The following NRXN1 variants were observed in gnomAD, a reference collection of about 807,000 sequenced individuals.
NRXN1 encodes the protein neurexin-1.
A neutral mutation model predicts 150.9 loss-of-function variants in NRXN1; 39 were observed. That is an observed-to-expected ratio of 0.26 (90% confidence interval 0.20 to 0.34). NRXN1 has a LOEUF of 0.34. Among genes scored for constraint, NRXN1 ranks in the 10% least tolerant of loss-of-function variants. NRXN1 has a pLI of 1.00. For synonymous variants in NRXN1, 924 were observed against 757.0 expected (o/e 1.22, Z -3.62); for missense variants, 1,815 against 1,949.9 (o/e 0.93, Z 1.30).
At chr2:50,977,237 T>A (rs776491563) in intron 2 of NRXN1, among the ~76,000 whole-genome samples, 5 of 151,906 alleles carry the variant, frequency 3.3e-5, no homozygotes, top group Admixed American at 6.6e-5. Context: ...TGATTTATTT[T>A]ACAAATGCAA....
chr2:50,209,675 A>G (rs1226749765), intron 18 of NRXN1, among the ~76,000 whole-genome samples: 4 of 152,136 alleles, frequency 2.6e-5, no homozygotes, highest in Non-Finnish European at 5.9e-5. Context: ...TTACAACTAA[A>G]GTATGTATGT....
intron 17 of NRXN1, among the ~76,000 whole-genome samples, chr2:50,356,979 T>C (rs1015580761): frequency 6.6e-6 from 1 of 152,104 alleles, no homozygotes; most frequent in Non-Finnish European, 1.5e-5. Context: ...TCACTACCAA[T>C]GCCCTTAAAT....
intron 8 of NRXN1, among the ~76,000 whole-genome samples, chr2:50,607,318 A>AT (rs375216992): frequency 2.3e-4 from 35 of 152,216 alleles, no homozygotes; most frequent in African/African-American, 8.4e-4. Context: ...TTGTTCATCT[A>AT]ATCACCAAGA....
intron 17 of NRXN1, among the ~76,000 whole-genome samples, chr2:50,366,174 C>T (rs1422674641): frequency 7.2e-6 from 1 of 139,252 alleles, no homozygotes; most frequent in African/African-American, 2.7e-5. Context: ...TTTTTTACAT[C>T]CAGAGTTGGA....
Position 50,347,443 on chromosome 2 carries a change from C to G in NRXN1, c.3365-110473G>C, listed in dbSNP as rs942993390. 1 of 1,137,612 alleles carries G rather than the reference C, an allele frequency of 8.8e-7. No individual in the cohort carries two copies. Among genetic ancestry groups the G allele is most frequent in the Non-Finnish European group, 1.1e-6 (1 of 915,362 alleles). The allele number at this position is 1,137,612 out of a possible 1,614,324, so 70.5% of individuals were successfully genotyped here. A position where few individuals can be genotyped will look rare whatever the true frequency, so the allele number is the denominator to read the frequency against. On this transcript the variant is annotated intron_variant, in intron 17 of 22. Coordinates refer to ENST00000401669, the MANE Select transcript of NRXN1 (RefSeq NM_001330078.2). The surrounding 1 kb of genome is among the most constrained non-coding windows in gnomAD (Gnocchi z 4.9). ...GGACTAGGGAGGCCACTTCGCCGGC[C>G]CAACCTCCTTTCAAGACAGAAGCAG... is the stretch of plus-strand genomic sequence containing the variant.
chr2:50,622,780 C>G (rs1028170613), intron 6 of NRXN1, among the ~76,000 whole-genome samples: 3 of 152,112 alleles, frequency 2.0e-5, no homozygotes, highest in African/African-American at 7.2e-5. Context: ...ATAAAAGTAT[C>G]TTCAAAAACA....
At chr2:49,999,355 A>G (rs1683525823) in intron 21 of NRXN1, among the ~76,000 whole-genome samples, 1 of 152,128 alleles carries the variant, frequency 6.6e-6, no homozygotes, top group African/African-American at 2.4e-5. Flanking sequence ...TCCCTTCTCT[A>G]TACTAATATA....
intron 5 of NRXN1, chr2:50,920,068 G>A: frequency 3.0e-6 from 1 of 333,312 alleles, no homozygotes; most frequent in Non-Finnish European, 6.7e-6. Context: ...TAAACAATAT[G>A]AAATGGGTAC....
intron 5 of NRXN1, among the ~76,000 whole-genome samples, chr2:50,702,946 C>G (rs578007504): frequency 1.3e-5 from 2 of 151,840 alleles, no homozygotes; most frequent in African/African-American, 4.8e-5. Context: ...GTTCTGCTTC[C>G]CCCTTTATAA....
chr2:50,914,843 C>A (rs963003557), intron 5 of NRXN1, among the ~76,000 whole-genome samples: 2 of 151,552 alleles, frequency 1.3e-5, no homozygotes, highest in South Asian at 2.1e-4. Flanking sequence ...GCTAACCAAC[C>A]AGTTGATCAT....
intron 5 of NRXN1, chr2:50,624,758 G>C (rs1443029653): frequency 6.6e-6 from 1 of 151,978 alleles, no homozygotes; most frequent in East Asian, 1.9e-4. Flanking sequence ...TCGTCATGGG[G>C]ATAGCATGTA....
At chr2:50,869,510 A>G (rs1677449924) in intron 5 of NRXN1, among the ~76,000 whole-genome samples, 1 of 151,662 alleles carries the variant, frequency 6.6e-6, no homozygotes, top group Non-Finnish European at 1.5e-5. Flanking sequence ...GAGAGAATGG[A>G]AAAAACCACA....
intron 17 of NRXN1, among the ~76,000 whole-genome samples, chr2:50,265,870 T>G (rs1337782517): frequency 6.6e-6 from 1 of 151,980 alleles, no homozygotes; most frequent in African/African-American, 2.4e-5. Context: ...TATTCTTACA[T>G]CTTCAAATGC....
At chr2:50,468,021 C>A (rs1374907465) in intron 16 of NRXN1, among the ~76,000 whole-genome samples, 1 of 151,458 alleles carries the variant, frequency 6.6e-6, no homozygotes, top group Non-Finnish European at 1.5e-5. Context: ...TCTCTCAAAG[C>A]AATATTCCTT....
chr2:50,164,961 T>C (rs1247747269), intron 18 of NRXN1, among the ~76,000 whole-genome samples: 2 of 152,130 alleles, frequency 1.3e-5, no homozygotes, highest in Non-Finnish European at 2.9e-5. Flanking sequence ...CCCTGTGGCT[T>C]GAGGCTATAC....
At chr2:50,265,998 A>AT (rs1312732112) in intron 17 of NRXN1, among the ~76,000 whole-genome samples, 9 of 109,948 alleles carry the variant, frequency 8.2e-5, no homozygotes, top group Non-Finnish European at 1.5e-4. Context: ...TATTATTATT[A>AT]TTTATTTTTT....
intron 5 of NRXN1, among the ~76,000 whole-genome samples, chr2:50,865,176 G>A (rs72891316): frequency 6.6e-6 from 1 of 151,980 alleles, no homozygotes; most frequent in Non-Finnish European, 1.5e-5. Context: ...CAGGTGAAAC[G>A]ACAGAAGACA....
At chr2:50,481,186 C>A (rs189141698) in intron 15 of NRXN1, among the ~76,000 whole-genome samples, 1 of 152,192 alleles carries the variant, frequency 6.6e-6, no homozygotes. Context: ...CACATGTACA[C>A]CCTGTACACT....
chr2:50,121,592 C>A (rs572970916), intron 18 of NRXN1, among the ~76,000 whole-genome samples: 1 of 152,192 alleles, frequency 6.6e-6, no homozygotes, highest in South Asian at 2.1e-4. Flanking sequence ...TTTCTGGAAC[C>A]AATCCTTGGA....
Sources: allele counts gnomAD v4.1 joint callset (sites outside exome capture counted in the v4.1 genomes callset), GRCh38; gene constraint gnomAD v4.1.1; non-coding constraint Gnocchi (gnomAD v3.1); transcripts MANE v1.5; gene names NCBI Gene and HGNC (gene_info 2026-07-23, HGNC 2026-07-21).